The following CDH4 variants were observed in gnomAD, a reference collection of about 807,000 sequenced individuals.
CDH4 encodes the protein cadherin-4.
Under a neutral mutation model 86.0 loss-of-function variants are expected in CDH4, and 33 were observed. The observed-to-expected ratio is 0.38, with a 90% confidence interval of 0.29 to 0.51. The LOEUF is 0.51. Ranked by LOEUF, CDH4 falls within the 20% of genes least tolerant of loss-of-function variation. The pLI is 0.86. For synonymous variants in CDH4, 555 were observed against 549.4 expected (o/e 1.01, Z -0.14); for missense variants, 1,114 against 1,307.4 (o/e 0.85, Z 2.28).
intron 6 of CDH4, among the ~76,000 whole-genome samples, chr20:61,865,819 C>T (rs1983523590): frequency 6.6e-6 from 1 of 150,606 alleles, no homozygotes; most frequent in African/African-American, 2.5e-5. Flanking sequence ...TAGCTGGCTT[C>T]CTGGCTGGTT....
At chr20:61,295,850 G>A (rs1449007639) in intron 2 of CDH4, among the ~76,000 whole-genome samples, 1 of 152,316 alleles carries the variant, frequency 6.6e-6, no homozygotes, top group East Asian at 1.9e-4. Context: ...TGTGTCCTGG[G>A]GTCCCCGGCC....
intron 2 of CDH4, among the ~76,000 whole-genome samples, chr20:61,574,985 C>T (rs1257843623): frequency 2.6e-5 from 4 of 152,124 alleles, no homozygotes; most frequent in African/African-American, 7.2e-5. Context: ...AGAGTGCTGC[C>T]GTGTGAAGAA....
At chr20:61,876,707 C>T (rs911882222) in intron 7 of CDH4, among the ~76,000 whole-genome samples, 10 of 152,092 alleles carry the variant, frequency 6.6e-5, no homozygotes, top group African/African-American at 1.7e-4. Flanking sequence ...CGTGTCGGTC[C>T]GCCCTCCCTC....
chr20:61,769,804 G>A (rs576918645), intron 3 of CDH4, among the ~76,000 whole-genome samples: 65 of 152,322 alleles, frequency 4.3e-4, no homozygotes, highest in Admixed American at 3.4e-3. Flanking sequence ...CTATGTTGGC[G>A]TTATTTCAAG....
intron 2 of CDH4, chr20:61,718,830 C>T (rs562632087): frequency 4.2e-6 from 2 of 471,186 alleles, no homozygotes; most frequent in South Asian, 3.1e-5. Flanking sequence ...GGGCTCCCAG[C>T]GACAGCTGGC....
intron 3 of CDH4, among the ~76,000 whole-genome samples, chr20:61,747,915 C>A (rs936629535): frequency 6.7e-5 from 10 of 149,258 alleles, no homozygotes; most frequent in African/African-American, 2.3e-4. Flanking sequence ...TCAAGAAGCC[C>A]TGTGAACTCT....
intron 2 of CDH4, among the ~76,000 whole-genome samples, chr20:61,266,605 G>A (rs959191803): frequency 4.6e-5 from 7 of 151,772 alleles, no homozygotes; most frequent in African/African-American, 9.7e-5. Flanking sequence ...TGCAGCCCCC[G>A]ATAGGGTGCA....
intron 2 of CDH4, among the ~76,000 whole-genome samples, chr20:61,669,434 C>T (rs886500455): frequency 6.6e-6 from 1 of 152,206 alleles, no homozygotes; most frequent in Non-Finnish European, 1.5e-5. Flanking sequence ...CAGGAGGGAA[C>T]TTAGGGTTTA....
intron 3 of CDH4, among the ~76,000 whole-genome samples, chr20:61,761,079 C>T (rs2088627442): frequency 6.6e-6 from 1 of 152,138 alleles, no homozygotes; most frequent in Non-Finnish European, 1.5e-5. Context: ...TTCGGGGAAG[C>T]AAAATGGACC....
rs74358539 is a variant in CDH4 at position 61,582,152 on chromosome 20, G to A, written c.170-161411G>A. On this transcript the variant is annotated intron_variant, in intron 2 of 15. Coordinates refer to ENST00000614565, the MANE Select transcript of CDH4 (RefSeq NM_001794.5). This position sits in a 1 kb window ranked among gnomAD's most constrained non-coding sequence, Gnocchi z 4.2. ...TGCTGCCCATGCCTTGTGTGTGCAC[G>A]GAGACTTTCCTGTCCACCTGCCCCT... Among the ~76,000 whole-genome samples the A allele has an allele frequency of 2.2e-4, 33 of 152,314 alleles. No homozygotes were observed. Among genetic ancestry groups the A allele is most frequent in the Admixed American group, 8.5e-4 (13 of 15,310 alleles).
chr20:61,731,374 A>ACAGCCCTG (rs1200892416), intron 2 of CDH4, among the ~76,000 whole-genome samples: 3 of 152,082 alleles, frequency 2.0e-5, no homozygotes, highest in African/African-American at 7.2e-5. Context: ...GGTTCTGAGC[A>ACAGCCCTG]CAGCCCTGCA....
At chr20:61,616,589 A>G (rs1471196406) in intron 2 of CDH4, among the ~76,000 whole-genome samples, 3 of 152,318 alleles carry the variant, frequency 2.0e-5, no homozygotes, top group East Asian at 3.9e-4. Flanking sequence ...GCATCTGAGC[A>G]TTGATGAAGA....
chr20:61,913,818 G>C (rs543606053), intron 9 of CDH4, among the ~76,000 whole-genome samples: 18 of 152,314 alleles, frequency 1.2e-4, no homozygotes, highest in African/African-American at 4.3e-4. Context: ...AGGAGGTGCT[G>C]ACAGCAGCCA....
intron 2 of CDH4, among the ~76,000 whole-genome samples, chr20:61,406,000 A>C (rs1021439319): frequency 4.6e-5 from 7 of 152,170 alleles, no homozygotes; most frequent in African/African-American, 1.7e-4. Flanking sequence ...ATAATTGATG[A>C]ACTTAATCAC....
At chr20:61,603,718 G>T (rs1455900951) in intron 2 of CDH4, among the ~76,000 whole-genome samples, 1 of 152,234 alleles carries the variant, frequency 6.6e-6, no homozygotes, top group Non-Finnish European at 1.5e-5. Flanking sequence ...GGTGCCAGTG[G>T]AGGCTTCCTG....
chr20:61,892,938 G>A (rs1036250461), intron 7 of CDH4, among the ~76,000 whole-genome samples: 6 of 149,800 alleles, frequency 4.0e-5, no homozygotes, highest in Non-Finnish European at 7.4e-5. Flanking sequence ...GGGTAGGTAA[G>A]TGGATGGATA....
chr20:61,674,388 G>T (rs954898566), intron 2 of CDH4, among the ~76,000 whole-genome samples: 1 of 152,188 alleles, frequency 6.6e-6, no homozygotes, highest in African/African-American at 2.4e-5. Context: ...GCTAAGGAGG[G>T]TGGGCATTAA....
intron 2 of CDH4, among the ~76,000 whole-genome samples, chr20:61,410,980 C>T (rs2085115996): frequency 6.6e-6 from 1 of 151,970 alleles, no homozygotes; most frequent in South Asian, 2.1e-4. Context: ...ATCTGTCCAT[C>T]ATCCACCCAC....
chr20:61,847,046 GCA>G (rs1568847150), intron 5 of CDH4, among the ~76,000 whole-genome samples: 31 of 152,356 alleles, frequency 2.0e-4, no homozygotes, highest in African/African-American at 7.5e-4. Flanking sequence ...ACCTGCACCA[GCA>G]GAAGGCCTCT....
Sources: allele counts gnomAD v4.1 joint callset (sites outside exome capture counted in the v4.1 genomes callset), GRCh38; gene constraint gnomAD v4.1.1; non-coding constraint Gnocchi (gnomAD v3.1); transcripts MANE v1.5; gene names NCBI Gene and HGNC (gene_info 2026-07-23, HGNC 2026-07-21).